Variants in STON2 observed in about 807,000 individuals in gnomAD.
STON2 encodes the protein stonin-2.
STON2 carries 29 observed loss-of-function variants against 65.7 expected under a neutral mutation model. The observed-to-expected ratio is 0.44, with a 90% CI of 0.33 to 0.60. STON2 has a LOEUF of 0.60. Ranked by LOEUF, STON2 falls within the 20% of genes least tolerant of loss-of-function variation. The probability of loss-of-function intolerance (pLI) is 0.03; values close to 1 mark genes in which losing one functional copy is unlikely to be tolerated. For synonymous variants in STON2, 404 were observed against 414.2 expected, an observed-to-expected ratio of 0.98 and a Z score of 0.30; for missense variants, 1,054 against 1,118.1, an observed-to-expected ratio of 0.94 and a Z score of 0.82.
At chr14:81,361,199 T>C (rs1030240780) in intron 4 of STON2, among the ~76,000 whole-genome samples, 1 of 152,052 alleles carries the variant, frequency 6.6e-6, no homozygotes, top group Non-Finnish European at 1.5e-5. Flanking sequence ...TAGCCAAAGC[T>C]ATCATAAGCA....
At chr14:81,370,741 T>C (rs1270597886) in intron 4 of STON2, among the ~76,000 whole-genome samples, 1 of 152,196 alleles carries the variant, frequency 6.6e-6, no homozygotes, top group Non-Finnish European at 1.5e-5. Flanking sequence ...GAAAACAACA[T>C]ATTAAGATAC....
chr14:81,308,772 G>A (rs1896280744), intron 5 of STON2, among the ~76,000 whole-genome samples: 2 of 117,612 alleles, frequency 1.7e-5, no homozygotes, highest in Admixed American at 8.9e-5. Flanking sequence ...CAGAGGACAT[G>A]GTTTTACCCA....
chr14:81,287,911 T>A (rs992481574), intron 5 of STON2, among the ~76,000 whole-genome samples: 1 of 152,136 alleles, frequency 6.6e-6, no homozygotes, highest in African/African-American at 2.4e-5. Flanking sequence ...AGATGAGGGC[T>A]CCATTCTCCA....
intron 2 of STON2, among the ~76,000 whole-genome samples, chr14:81,421,857 A>G (rs1901720541): frequency 6.6e-6 from 1 of 152,152 alleles, no homozygotes; most frequent in Non-Finnish European, 1.5e-5. Flanking sequence ...TCAGAAGAAG[A>G]GAGATGAGTG....
At chr14:81,316,876 C>G (rs1276040637) in intron 5 of STON2, among the ~76,000 whole-genome samples, 3 of 152,066 alleles carry the variant, frequency 2.0e-5, no homozygotes, top group Non-Finnish European at 4.4e-5. Flanking sequence ...AAAAATTAGC[C>G]GGGCATTGTG....
intron 2 of STON2, among the ~76,000 whole-genome samples, chr14:81,405,616 CCAGCAGG>C (rs1900821573): frequency 6.8e-6 from 1 of 147,720 alleles, no homozygotes; most frequent in African/African-American, 2.5e-5. Flanking sequence ...GATGTTTGTT[CCAGCAGG>C]CAGTCTGACC....
Position 81,264,788 on chromosome 14 carries a change from C to T in STON2, c.*3626G>A, listed in dbSNP as rs190703728. On this transcript the variant is annotated 3_prime_UTR_variant, in exon 8 of 8. Coordinates refer to ENST00000614646, the MANE Select transcript of STON2 (RefSeq NM_001394390.1). ...GATAATATTTAATATGAATGAAATGCAAACTTTTGATAAGGAATAACTAGT... is the reference window on the plus strand; with the variant it reads ...GATAATATTTAATATGAATGAAATGTAAACTTTTGATAAGGAATAACTAGT... 201 of 985,330 alleles carry T rather than the reference C, an allele frequency of 2.0e-4. 1 individual carries two copies. The African/African-American group carries it at 3.4e-3, about 17-fold the overall frequency. 61.0% of individuals were successfully genotyped at this position (985,330 alleles called of 1,614,324 possible).
At chr14:81,375,885 C>T (rs1008509737) in intron 3 of STON2, among the ~76,000 whole-genome samples, 2 of 149,952 alleles carry the variant, frequency 1.3e-5, no homozygotes, top group Admixed American at 6.7e-5. Context: ...AACTAGTTGT[C>T]TGGTTAACTA....
chr14:81,425,464 T>G (rs368021538), intron 2 of STON2, among the ~76,000 whole-genome samples: 1 of 151,912 alleles, frequency 6.6e-6, no homozygotes, highest in African/African-American at 2.4e-5. Flanking sequence ...CCCAGCTACT[T>G]GGGAGGCTTA....
intron 5 of STON2, among the ~76,000 whole-genome samples, chr14:81,299,605 A>G (rs1895894288): frequency 6.6e-6 from 1 of 152,222 alleles, no homozygotes; most frequent in Admixed American, 6.5e-5. Flanking sequence ...AACAAAAGTA[A>G]AAATAATTGT....
At chr14:81,334,105 C>T (rs1450850453) in intron 4 of STON2, among the ~76,000 whole-genome samples, 5 of 152,100 alleles carry the variant, frequency 3.3e-5, no homozygotes, top group Non-Finnish European at 4.4e-5. Flanking sequence ...GGCAATAAGG[C>T]CAGAAGTGAT....
intron 3 of STON2, among the ~76,000 whole-genome samples, chr14:81,375,273 T>C (rs999421428): frequency 1.3e-5 from 2 of 152,038 alleles, no homozygotes; most frequent in Non-Finnish European, 2.9e-5. Context: ...GGACTAAGCA[T>C]TCAAGACAAA....
chr14:81,267,254 T>C lies in STON2; in HGVS notation c.*1160A>G, dbSNP rs944275556. 6.1e-6 allele frequency: 6 copies of C among 985,298 alleles called. No individual in the cohort carries two copies. In the African/African-American group the frequency reaches 1.0e-4, roughly 17 times the overall value. 61.0% of individuals were successfully genotyped at this position (985,298 alleles called of 1,614,324 possible). A position where few individuals can be genotyped will look rare whatever the true frequency, so the allele number is the denominator to read the frequency against. ...GAAGATGGAGTGAGCGTTCTGACTC[T>C]TGGAATCAGAATATAATGTTCCCAA... On this transcript the variant is annotated 3_prime_UTR_variant, in exon 8 of 8. Transcript: ENST00000614646.
chr14:81,428,594 A>T (rs943817619), intron 1 of STON2, among the ~76,000 whole-genome samples: 2 of 152,124 alleles, frequency 1.3e-5, no homozygotes, highest in African/African-American at 4.8e-5. Flanking sequence ...ATGGTGGCAC[A>T]CACCTGTAGT....
intron 1 of STON2, among the ~76,000 whole-genome samples, chr14:81,399,152 T>C (rs748355722): frequency 1.3e-5 from 2 of 152,208 alleles, no homozygotes; most frequent in East Asian, 1.9e-4. Context: ...TAGTGAAAAA[T>C]GTGAGTTAGA....
At chr14:81,321,372 A>G (rs1479467945) in intron 5 of STON2, among the ~76,000 whole-genome samples, 2 of 143,306 alleles carry the variant, frequency 1.4e-5, no homozygotes, top group African/African-American at 5.1e-5. Context: ...TTCTACTTTA[A>G]AAAAAAAAAA....
intron 2 of STON2, among the ~76,000 whole-genome samples, chr14:81,422,112 G>C (rs886482862): frequency 6.6e-6 from 1 of 152,144 alleles, no homozygotes; most frequent in Non-Finnish European, 1.5e-5. Flanking sequence ...TGCTTTGTTT[G>C]GCCCTGCCAA....
At chr14:81,401,121 T>C (rs541391393), upstream of STON2, among the ~76,000 whole-genome samples, 18 of 152,356 alleles carry the variant, frequency 1.2e-4, no homozygotes, top group African/African-American at 4.3e-4. Flanking sequence ...GCAGATTTCA[T>C]GAAACCACTG....
intron 2 of STON2, among the ~76,000 whole-genome samples, chr14:81,409,539 T>C (rs1901051023): frequency 6.6e-6 from 1 of 152,114 alleles, no homozygotes; most frequent in African/African-American, 2.4e-5. Context: ...TAGTATATAG[T>C]TCCAGAATGC....
Sources: gnomAD v4.1 joint callset for allele counts (sites outside exome capture counted in the v4.1 genomes callset) on GRCh38, gnomAD v4.1.1 for gene constraint, MANE v1.5 for transcripts, NCBI Gene and HGNC (gene_info 2026-07-23, HGNC 2026-07-21) for gene names.